Variants in LHFPL2 observed in about 807,000 individuals in gnomAD.
LHFPL2 encodes the protein LHFPL tetraspan subfamily member 2, also known as LHFPL tetraspan subfamily member 2 protein.
Under a neutral mutation model 17.5 loss-of-function variants are expected in LHFPL2, and 7 were observed. That is an observed-to-expected ratio of 0.40 (90% CI 0.23 to 0.75). The LOEUF is 0.75. LHFPL2 is among the 30% of genes least tolerant of loss of function. The pLI is 0.37. For synonymous variants in LHFPL2, 134 were observed against 116.2 expected (o/e 1.15, Z -0.99); for missense variants, 241 against 294.8 (o/e 0.82, Z 1.34).
At chr5:78,528,499 T>A (rs1755686329) in intron 3 of LHFPL2, among the ~76,000 whole-genome samples, 1 of 152,194 alleles carries the variant, frequency 6.6e-6, no homozygotes, top group Admixed American at 6.5e-5. Flanking sequence ...TCCCACCCCA[T>A]CATACATAGA....
chr5:78,627,258 T>C (rs1745078255), intron 2 of LHFPL2, among the ~76,000 whole-genome samples: 1 of 152,150 alleles, frequency 6.6e-6, no homozygotes, highest in African/African-American at 2.4e-5. Flanking sequence ...TGCCTTGTCC[T>C]TTCAGATGAT....
chr5:78,577,658 A>G (rs1201996571), intron 2 of LHFPL2, among the ~76,000 whole-genome samples: 4 of 152,224 alleles, frequency 2.6e-5, no homozygotes, highest in African/African-American at 9.6e-5. Flanking sequence ...CACAGCCTTA[A>G]GAAATGACTC....
chr5:78,505,254 T>TC (rs1225586942), intron 4 of LHFPL2, among the ~76,000 whole-genome samples: 1 of 152,228 alleles, frequency 6.6e-6, no homozygotes, highest in African/African-American at 2.4e-5. Flanking sequence ...TGCTGGCTGA[T>TC]CACCCGGCTT....
chr5:78,508,772 T>C (rs530910280), intron 4 of LHFPL2, among the ~76,000 whole-genome samples: 1 of 152,320 alleles, frequency 6.6e-6, no homozygotes, highest in South Asian at 2.1e-4. Flanking sequence ...GTGCCCTTCA[T>C]TTAGTGTTGT....
chr5:78,568,728 C>T (rs1170316990), intron 2 of LHFPL2, among the ~76,000 whole-genome samples: 1 of 152,050 alleles, frequency 6.6e-6, no homozygotes, highest in African/African-American at 2.4e-5. Flanking sequence ...TCACAGAGGC[C>T]ACAGAGGGGG....
chr5:78,619,759 G>T, intron 2 of LHFPL2, among the ~76,000 whole-genome samples: 1 of 136,254 alleles, frequency 7.3e-6, no homozygotes, highest in African/African-American at 2.7e-5. Flanking sequence ...TGCGGTGTTT[G>T]GTTTTTTGTC....
intron 2 of LHFPL2, among the ~76,000 whole-genome samples, chr5:78,622,381 T>C (rs1250084257): frequency 2.6e-5 from 4 of 152,246 alleles, no homozygotes; most frequent in Non-Finnish European, 5.9e-5. Flanking sequence ...ATGCCTTACA[T>C]AGGTTCCCTC....
At chr5:78,570,078 G>A (rs987524896) in intron 2 of LHFPL2, among the ~76,000 whole-genome samples, 1 of 152,114 alleles carries the variant, frequency 6.6e-6, no homozygotes, top group African/African-American at 2.4e-5. Flanking sequence ...CCAATATTTA[G>A]TTATAAATCT....
chr5:78,509,723 GC>G, intron 4 of LHFPL2, 60 bp downstream of exon 4: 1 of 1,522,458 alleles, frequency 6.6e-7, no homozygotes, highest in Non-Finnish European at 9.0e-7. Context: ...GTACCAGAGT[GC>G]GCTGCACCGG....
intron 2 of LHFPL2, among the ~76,000 whole-genome samples, chr5:78,593,342 G>A (rs1743711546): frequency 6.6e-6 from 1 of 152,124 alleles, no homozygotes; most frequent in South Asian, 2.1e-4. Context: ...AGTCAAGAGT[G>A]CAAGGTCCTG....
chr5:78,574,494 T>A (rs1757079418), intron 2 of LHFPL2, among the ~76,000 whole-genome samples: 1 of 152,242 alleles, frequency 6.6e-6, no homozygotes, highest in South Asian at 2.1e-4. Flanking sequence ...GGCCTCACCA[T>A]CTCCATTCTC....
Position 78,542,976 on chromosome 5 carries a change from A to C in LHFPL2, c.-186+21837T>G, listed in dbSNP as rs917289348. Among the ~76,000 whole-genome samples the C allele has an allele frequency of 4.6e-5, 7 of 152,338 alleles. No individual in the cohort carries two copies. The East Asian group carries it at 1.4e-3, about 29-fold the overall frequency. The stretch of plus-strand genomic sequence containing the variant: ...CCCAAGAAATTATTTTTTCCTAACA[A>C]AGAGCAGCCTGAAAAATCGAGCTGC... On this transcript the variant is annotated intron_variant, in intron 3 of 4. Coordinates refer to ENST00000380345, the MANE Select transcript of LHFPL2 (RefSeq NM_005779.3).
chr5:78,504,647 C>T (rs1330463283), intron 4 of LHFPL2, among the ~76,000 whole-genome samples: 2 of 152,222 alleles, frequency 1.3e-5, no homozygotes, highest in African/African-American at 2.4e-5. Flanking sequence ...AAAGGCAAAA[C>T]CCCCACGTGT....
rs115235494 is a variant in LHFPL2, at chr5:78,614,738, G to T, written c.-245+17526C>A. ...AAATTTAGAAAAAAAAGTGACTTCG[G>T]ACCCTTTCAAATTATATTTTACCAA... On this transcript the variant is annotated intron_variant, in intron 2 of 4. Transcript: ENST00000380345. Among the ~76,000 whole-genome samples, 1,503 of 152,236 alleles carry T rather than the reference G, an allele frequency of 9.9e-3. 9 individuals carry two copies. The highest frequency in any genetic ancestry group is 0.016 in the Non-Finnish European group (1,073 of 68,016).
intron 2 of LHFPL2, among the ~76,000 whole-genome samples, chr5:78,605,233 C>T (rs1238099369): frequency 6.6e-6 from 1 of 152,184 alleles, no homozygotes; most frequent in Non-Finnish European, 1.5e-5. Context: ...AAAAGTGTTA[C>T]AATTAATTGT....
intron 3 of LHFPL2, among the ~76,000 whole-genome samples, chr5:78,539,680 G>C (rs1399295677): frequency 6.6e-6 from 1 of 152,072 alleles, no homozygotes; most frequent in African/African-American, 2.4e-5. Context: ...GCAGTCTGTG[G>C]GGTCTCCGGA....
intron 2 of LHFPL2, among the ~76,000 whole-genome samples, chr5:78,597,604 G>C (rs1197217524): frequency 6.7e-6 from 1 of 150,368 alleles, no homozygotes; most frequent in African/African-American, 2.5e-5. Context: ...GAAACTCTAA[G>C]ACCCAATTCT....
intron 4 of LHFPL2, among the ~76,000 whole-genome samples, chr5:78,498,581 G>A (rs1283938905): frequency 2.6e-5 from 4 of 152,110 alleles, no homozygotes; most frequent in Non-Finnish European, 5.9e-5. Context: ...TTTGAGGAGG[G>A]CACATGTATC....
chr5:78,576,941 T>C (rs1258110362), intron 2 of LHFPL2, among the ~76,000 whole-genome samples: 1 of 152,238 alleles, frequency 6.6e-6, no homozygotes, highest in Non-Finnish European at 1.5e-5. Context: ...GGCAATGCAA[T>C]AGTTCTTTAC....
Sources: gnomAD v4.1 joint callset for allele counts (sites outside exome capture counted in the v4.1 genomes callset) on GRCh38, gnomAD v4.1.1 for gene constraint, MANE v1.5 for transcripts, NCBI Gene and HGNC (gene_info 2026-07-23, HGNC 2026-07-21) for gene names.